Variants in FBN3 observed in about 807,000 individuals in gnomAD.
The protein encoded by FBN3 is fibrillin-3.
FBN3 carries 234 observed loss-of-function variants against 330.1 expected under a neutral mutation model. The observed-to-expected ratio is 0.71, with a 90% CI of 0.64 to 0.79. FBN3 has a LOEUF of 0.79. Among genes scored for constraint, FBN3 ranks in the 30% least tolerant of loss-of-function variants. The probability of loss-of-function intolerance (pLI) is 0.00; values close to 1 mark genes in which losing one functional copy is unlikely to be tolerated. For missense variants in FBN3, 3,606 were observed against 3,886.9 expected (o/e 0.93, Z 1.92); for synonymous variants, 1,458 against 1,517.3 (o/e 0.96, Z 0.91).
In FBN3 at chr19:8,095,249, T is replaced by C. The variant is rs958171862; in HGVS notation, c.5785+126A>G. ...GCCTCCCAAAGTGCTGGGTATTTTT[T>C]TTTTTAAATCTTAAAATAAATGCTT... is the stretch of plus-strand genomic sequence containing the variant. On this transcript the variant is annotated intron_variant, in intron 46 of 63. Coordinates refer to ENST00000600128, the MANE Select transcript of FBN3 (RefSeq NM_032447.5). 1,076 of 1,096,864 alleles carry C rather than the reference T, an allele frequency of 9.8e-4. 6 individuals are homozygous for C. Among genetic ancestry groups the C allele is most frequent in the Non-Finnish European group, 1.2e-3 (988 of 798,060 alleles). 67.9% of individuals were successfully genotyped at this position (1,096,864 alleles called of 1,614,324 possible).
At chr19:8,132,167 TC>T (rs1410225614) in intron 14 of FBN3, among the ~76,000 whole-genome samples, 2 of 152,204 alleles carry the variant, frequency 1.3e-5, no homozygotes, top group African/African-American at 4.8e-5. Flanking sequence ...TGCCTCAGCC[TC>T]CCGAGTAGGA....
chr19:8,119,162 G>C (rs1348891607), intron 25 of FBN3, 140 bp from the exon 26 acceptor site: 2 of 996,384 alleles, frequency 2.0e-6, no homozygotes, highest in African/African-American at 1.6e-5. Context: ...TGGAGGCTCC[G>C]GGTTGGGATG....
At chr19:8,144,822 C>T in intron 6 of FBN3, 55 bp downstream of exon 6, 1 of 1,410,464 alleles carries the variant, frequency 7.1e-7, no homozygotes, top group Non-Finnish European at 9.8e-7. Context: ...TTCCAGGAAA[C>T]CCCCTTTCCT....
At chr19:8,115,490 C>T in intron 30 of FBN3, 25 bp downstream of exon 30, 3 of 1,611,834 alleles carry the variant, frequency 1.9e-6, no homozygotes, top group Non-Finnish European at 2.5e-6. Flanking sequence ...GTCCCCTCTG[C>T]CTGCACCGCT....
chr19:8,114,555 T>A (rs1413369035), intron 30 of FBN3, among the ~76,000 whole-genome samples: 3 of 152,012 alleles, frequency 2.0e-5, no homozygotes, highest in Admixed American at 6.6e-5. Flanking sequence ...GGCTAATTTT[T>A]AAAATTTTTA....
intron 14 of FBN3, among the ~76,000 whole-genome samples, chr19:8,132,330 A>T (rs1392442890): frequency 6.6e-6 from 1 of 151,150 alleles, no homozygotes; most frequent in Non-Finnish European, 1.5e-5. Context: ...TTACAGGTGC[A>T]TGCTACCATG....
In FBN3 at chr19:8,136,490, A is replaced by G. The variant is rs2145004809; in HGVS notation, c.1243T>C (p.Phe415Leu). The G allele has an allele frequency of 6.2e-7, 1 of 1,614,172 alleles. No homozygotes were observed. Among genetic ancestry groups the G allele is most frequent in the Admixed American group, 1.7e-5 (1 of 60,014 alleles). Residue 415 changes from phenylalanine (F) to leucine (L), a missense_variant, in exon 11 of 64, where the codon TTC (phenylalanine) becomes CTC (leucine). Phe to Leu is a conservative substitution (Grantham distance 22). Coordinates refer to ENST00000600128, the MANE Select transcript of FBN3 (RefSeq NM_032447.5). ...CGGCCATTCAGACACAGGTTGGTGA[A>G]GTGTCGGCAGATGTCAATGGTCTGG... ...LNQTIDICRH[F>L]TNLCLNGRCL...
intron 56 of FBN3, 105 bp downstream of exon 56, chr19:8,085,258 G>A: frequency 1.6e-6 from 1 of 629,198 alleles, no homozygotes; most frequent in Non-Finnish European, 2.5e-6. Context: ...CACACACACA[G>A]TGTGGCTCAC....
At chr19:8,118,816 C>T (rs1236254429) in intron 26 of FBN3, 81 bp downstream of exon 26, 2 of 1,532,278 alleles carry the variant, frequency 1.3e-6, no homozygotes, top group African/African-American at 1.4e-5. Context: ...CTCACTCATC[C>T]AGCCCACATT....
In FBN3 at chr19:8,090,139, G is replaced by A. The variant is rs2082061185; in HGVS notation, c.6144C>T (p.Gly2048=). 4 of 1,613,832 alleles carry A rather than the reference G, an allele frequency of 2.5e-6. No homozygotes were observed. The Middle Eastern group carries it at 4.9e-4, about 199-fold the overall frequency. ...GACACAGTTCGCAGGGGTCTCCCCA[G>A]CCCTCCCCAGGCCTCTTACTGCAGC... ...RCCCSKRPGE[G]WGDPCELCPQ... The change falls in exon 49 of 64, where the codon GGC becomes GGT. Residue 2048 remains glycine (G), a synonymous_variant. Coordinates refer to ENST00000600128, the MANE Select transcript of FBN3 (RefSeq NM_032447.5).
intron 57 of FBN3, 76 bp downstream of exon 57, chr19:8,083,171 G>A (rs1599288285): frequency 5.1e-6 from 8 of 1,558,962 alleles, no homozygotes; most frequent in Admixed American, 3.4e-5. Flanking sequence ...GAAAGTCTCA[G>A]GGAAGTTGAG....
At chr19:8,114,342 T>C (rs1011308192) in intron 30 of FBN3, among the ~76,000 whole-genome samples, 1 of 152,124 alleles carries the variant, frequency 6.6e-6, no homozygotes, top group African/African-American at 2.4e-5. Flanking sequence ...CTCCGCCTCC[T>C]GGATTCAAGT....
intron 59 of FBN3, among the ~76,000 whole-genome samples, chr19:8,076,787 GATC>G (rs2081652750): frequency 6.6e-6 from 1 of 151,896 alleles, no homozygotes; most frequent in Non-Finnish European, 1.5e-5. Context: ...TTTTAGATAG[GATC>G]TCATTCTGTC....
Position 8,138,227 on chromosome 19 carries a change from C to A in FBN3, c.1115G>T (p.Gly372Val). ...GAGTCGCGCTGGCCCAAGAGGGGGA[C>A]CCATGCCATTGGATCCGAAGCCCAG... ...GLLGFGSNGMGPPLGPARLNP... is the reference protein window; with the variant it reads ...GLLGFGSNGMVPPLGPARLNP... The change falls in exon 10 of 64, where the codon GGT becomes GTT. Residue 372 changes from glycine (G) to valine (V), a missense_variant. Gly to Val is a moderately radical substitution (Grantham distance 109). Coordinates refer to ENST00000600128, the MANE Select transcript of FBN3 (RefSeq NM_032447.5). 2 of 1,611,930 alleles carry A rather than the reference C, an allele frequency of 1.2e-6. No homozygotes were observed. The highest frequency in any genetic ancestry group is 1.7e-6 in the Non-Finnish European group (2 of 1,179,398).
Position 8,111,186 on chromosome 19 carries a change from G to A in FBN3, c.4085-3C>T. On this transcript the variant is annotated splice_region_variant and splice_polypyrimidine_tract_variant and intron_variant, in intron 32 of 63. Transcript: ENST00000600128. ...GTTCTCGGCACATTCATCCCTGTCT[G>A]AGGGGCCCCAAGATTCGGAGGGCTG... 1 of 1,589,276 alleles carries A rather than the reference G, an allele frequency of 6.3e-7. No individual in the cohort carries two copies. Among genetic ancestry groups the A allele is most frequent in the Non-Finnish European group, 8.6e-7 (1 of 1,167,134 alleles).
At chr19:8,111,238 G>T in intron 32 of FBN3, 55 bp from the exon 33 acceptor site, 1 of 1,531,628 alleles carries the variant, frequency 6.5e-7, no homozygotes, top group South Asian at 1.3e-5. Context: ...GACCCACACA[G>T]GGTGGGCAGG....
chr19:8,125,516 C>T (rs560768756), intron 22 of FBN3, among the ~76,000 whole-genome samples: 3 of 152,198 alleles, frequency 2.0e-5, no homozygotes, highest in Non-Finnish European at 4.4e-5. Context: ...TCAGGCCAGG[C>T]GTGGTGGCTC....
At chr19:8,067,674 C>G (rs1453615409) in intron 63 of FBN3, among the ~76,000 whole-genome samples, 1 of 152,194 alleles carries the variant, frequency 6.6e-6, no homozygotes, top group East Asian at 1.9e-4. Flanking sequence ...TCCTGGCAAT[C>G]TTTGAGGCAC....
chr19:8,124,891 T>C (rs1012714762), intron 22 of FBN3, among the ~76,000 whole-genome samples: 5 of 152,278 alleles, frequency 3.3e-5, no homozygotes, highest in African/African-American at 1.2e-4. Context: ...ATGGTGAACA[T>C]ACGTCATTAT....
Sources: allele counts gnomAD v4.1 joint callset (sites outside exome capture counted in the v4.1 genomes callset), GRCh38; gene constraint gnomAD v4.1.1; transcripts MANE v1.5; gene names NCBI Gene and HGNC (gene_info 2026-07-23, HGNC 2026-07-21).